The following GLIS3 variants were observed in gnomAD, a reference collection of about 807,000 sequenced individuals.
The protein encoded by GLIS3 is GLIS family zinc finger 3.
In GLIS3, 53 loss-of-function variants were observed where a neutral mutation model predicts 78.6. The observed-to-expected ratio is 0.67, with a 90% CI of 0.54 to 0.85. The LOEUF is 0.85. Ranked by LOEUF, GLIS3 falls within the 40% of genes least tolerant of loss-of-function variation. GLIS3 has a pLI of 0.00. For synonymous variants in GLIS3, 684 were observed against 509.9 expected (o/e 1.34, Z -4.60); for missense variants, 1,703 against 1,231.1 (o/e 1.38, Z -5.74).
intron 4 of GLIS3, among the ~76,000 whole-genome samples, chr9:3,984,100 T>G (rs945932157): frequency 2.6e-5 from 4 of 152,196 alleles, no homozygotes; most frequent in Non-Finnish European, 5.9e-5. Flanking sequence ...GCCTAGGGAC[T>G]GCTAGGGCAG....
chr9:4,441,544 C>T, the GLIS3 span, among the ~76,000 whole-genome samples: 1 of 152,094 alleles, frequency 6.6e-6, no homozygotes, highest in Non-Finnish European at 1.5e-5. Context: ...ATTTGATTTG[C>T]TAGTGTTTTG....
At chr9:4,191,971 T>A (rs903031653) in intron 2 of GLIS3, among the ~76,000 whole-genome samples, 25 of 152,192 alleles carry the variant, frequency 1.6e-4, no homozygotes, top group Admixed American at 3.9e-4. Flanking sequence ...GTGAAGATTT[T>A]TTTTGGAGGA....
At chr9:4,043,134 G>GC (rs2130384085) in intron 4 of GLIS3, among the ~76,000 whole-genome samples, 1 of 152,128 alleles carries the variant, frequency 6.6e-6, no homozygotes, top group South Asian at 2.1e-4. Flanking sequence ...CCTTCCCACA[G>GC]CCCCACTCAA....
chr9:4,475,195 G>A, the GLIS3 span, among the ~76,000 whole-genome samples: 1 of 151,948 alleles, frequency 6.6e-6, no homozygotes, highest in Non-Finnish European at 1.5e-5. Context: ...CTAAGACAGT[G>A]AATAATGAGA....
At chr9:4,474,620 C>T in the GLIS3 span, among the ~76,000 whole-genome samples, 1 of 151,588 alleles carries the variant, frequency 6.6e-6, no homozygotes, top group African/African-American at 2.4e-5. Context: ...CATATAATAT[C>T]TTCATACCTT....
chr9:4,141,715 G>T (rs1175904934), intron 2 of GLIS3, among the ~76,000 whole-genome samples: 1 of 152,166 alleles, frequency 6.6e-6, no homozygotes, highest in Non-Finnish European at 1.5e-5. Flanking sequence ...CTGAAAATTG[G>T]AGAGGTAGGA....
chr9:4,303,158 A>C (rs1817136509), upstream of GLIS3, among the ~76,000 whole-genome samples: 1 of 152,158 alleles, frequency 6.6e-6, no homozygotes, highest in East Asian at 1.9e-4. Flanking sequence ...AACTATGATC[A>C]GATTCCTCCT....
At chr9:4,414,554 C>T in the GLIS3 span, among the ~76,000 whole-genome samples, 3 of 152,240 alleles carry the variant, frequency 2.0e-5, no homozygotes, top group Non-Finnish European at 4.4e-5. Context: ...TGGTGGATAG[C>T]TTTTATCCTG....
chr9:3,947,687 G>A (rs938850942), intron 4 of GLIS3, among the ~76,000 whole-genome samples: 1 of 152,212 alleles, frequency 6.6e-6, no homozygotes, highest in African/African-American at 2.4e-5. Context: ...AGTGCAAGAT[G>A]CCAAATTTTT....
rs551668485 is a variant in GLIS3, at chr9:4,081,422, G to C, written c.1710+36346C>G. On this transcript the variant is annotated intron_variant, in intron 4 of 10. Coordinates refer to ENST00000381971, the MANE Select transcript of GLIS3 (RefSeq NM_001042413.2). The stretch of plus-strand genomic sequence containing the variant: ...ACATTTGGCCATGTACCTGGGTTTT[G>C]GCCAATGGGATGTGAGGAGAGCCAC... 3.9e-5 allele frequency: 6 copies of C among 152,250 alleles called. No individual in the cohort carries two copies. In the South Asian group the frequency reaches 1.2e-3, roughly 32 times the overall value. 9.4% of individuals were successfully genotyped at this position (152,250 alleles called of 1,614,324 possible).
chr9:3,965,020 T>C (rs533061745), intron 4 of GLIS3, among the ~76,000 whole-genome samples: 1 of 151,912 alleles, frequency 6.6e-6, no homozygotes, highest in South Asian at 2.1e-4. Context: ...ATAAAAAAAA[T>C]AGCAATATGA....
At chr9:4,075,409 T>TAAAAAAAAA (rs1827960818) in intron 4 of GLIS3, among the ~76,000 whole-genome samples, 2 of 52,668 alleles carry the variant, frequency 3.8e-5, no homozygotes, top group Non-Finnish European at 7.2e-5. Context: ...CTACTAAAAA[T>TAAAAAAAAA]ACAAAAAAAA....
intron 2 of GLIS3, among the ~76,000 whole-genome samples, chr9:4,217,191 A>C (rs551015349): frequency 1.7e-4 from 26 of 152,336 alleles, no homozygotes; most frequent in Non-Finnish European, 3.7e-4. Context: ...CCAAAACCCT[A>C]GCACCCAAAG....
At chr9:3,989,537 T>C (rs540742560) in intron 4 of GLIS3, among the ~76,000 whole-genome samples, 28 of 152,278 alleles carry the variant, frequency 1.8e-4, no homozygotes, top group African/African-American at 6.0e-4. Flanking sequence ...AAACATACCA[T>C]GGAATATTAC....
intron 4 of GLIS3, among the ~76,000 whole-genome samples, chr9:3,953,006 T>C (rs1816805487): frequency 6.6e-6 from 1 of 152,216 alleles, no homozygotes; most frequent in African/African-American, 2.4e-5. Flanking sequence ...CCTAGGTAAG[T>C]TCCTGGTTCA....
the GLIS3 span, among the ~76,000 whole-genome samples, chr9:4,476,246 A>T: frequency 6.6e-6 from 1 of 152,222 alleles, no homozygotes; most frequent in Non-Finnish European, 1.5e-5. Flanking sequence ...CAGGGAAAAT[A>T]ATTCTTTACA....
the GLIS3 span, among the ~76,000 whole-genome samples, chr9:4,420,009 C>A: frequency 6.6e-6 from 1 of 152,144 alleles, no homozygotes; most frequent in African/African-American, 2.4e-5. Context: ...GGGATCTGAA[C>A]AGAAATACAC....
chr9:4,205,402 A>T (rs1193157192), intron 2 of GLIS3, among the ~76,000 whole-genome samples: 2 of 152,200 alleles, frequency 1.3e-5, no homozygotes, highest in African/African-American at 2.4e-5. Flanking sequence ...GAATTGGTTC[A>T]GGGATAGGCA....
the GLIS3 span, among the ~76,000 whole-genome samples, chr9:4,368,956 C>A: frequency 6.6e-6 from 1 of 152,152 alleles, no homozygotes; most frequent in South Asian, 2.1e-4. Context: ...TAACCAAGGG[C>A]TTAATTAAAC....
Sources: gnomAD v4.1 joint callset for allele counts (sites outside exome capture counted in the v4.1 genomes callset) on GRCh38, gnomAD v4.1.1 for gene constraint, MANE v1.5 for transcripts, NCBI Gene and HGNC (gene_info 2026-07-23, HGNC 2026-07-21) for gene names.